CHN1: variants seen among roughly 807,000 people sequenced by gnomAD.
CHN1 encodes chimerin 1, also known as N-chimaerin.
In CHN1, 37 loss-of-function variants were observed where a neutral mutation model predicts 59.5. The ratio of observed to expected loss-of-function variants is 0.62; its 90% CI spans 0.48 to 0.82. The LOEUF (loss-of-function observed/expected upper bound fraction) is 0.82. Among genes scored for constraint, CHN1 ranks in the 40% least tolerant of loss-of-function variants. CHN1 has a pLI of 0.00. For missense variants in CHN1, 469 were observed against 571.0 expected (o/e 0.82, Z 1.82); for synonymous variants, 206 against 200.4 (o/e 1.03, Z -0.24).
intron 3 of CHN1, among the ~76,000 whole-genome samples, chr2:174,935,082 AC>A (rs1016409688): frequency 1.3e-5 from 2 of 151,928 alleles, no homozygotes; most frequent in African/African-American, 4.8e-5. Flanking sequence ...AGGACATAGA[AC>A]CCTTTATTAC....
chr2:174,896,341 T>G (rs1688217459), intron 5 of CHN1, among the ~76,000 whole-genome samples: 1 of 152,160 alleles, frequency 6.6e-6, no homozygotes, highest in South Asian at 2.1e-4. Context: ...CTCTTCTTAA[T>G]CAAGTTCCTA....
chr2:174,834,935 G>A (rs913838487), intron 7 of CHN1, among the ~76,000 whole-genome samples: 13 of 152,094 alleles, frequency 8.5e-5, no homozygotes, highest in Admixed American at 6.6e-4. Context: ...GAAACCAAAC[G>A]TATGTATAAT....
intron 7 of CHN1, among the ~76,000 whole-genome samples, chr2:174,841,954 C>T (rs1686318928): frequency 6.6e-6 from 1 of 152,150 alleles, no homozygotes; most frequent in South Asian, 2.1e-4. Flanking sequence ...TAGTCAATAT[C>T]AGATAACATG....
At chr2:174,973,520 G>C (rs1690825234) in intron 1 of CHN1, among the ~76,000 whole-genome samples, 1 of 152,230 alleles carries the variant, frequency 6.6e-6, no homozygotes, top group Admixed American at 6.5e-5. Context: ...AGCAAAACAA[G>C]AGAAGACAAA....
intron 6 of CHN1, among the ~76,000 whole-genome samples, chr2:174,849,569 T>A (rs1686657956): frequency 6.6e-6 from 1 of 152,216 alleles, no homozygotes; most frequent in Non-Finnish European, 1.5e-5. Flanking sequence ...AGAACCAATA[T>A]AATCAATAGT....
chr2:174,890,221 G>A (rs918943398), intron 5 of CHN1, among the ~76,000 whole-genome samples: 2 of 152,092 alleles, frequency 1.3e-5, no homozygotes, highest in African/African-American at 2.4e-5. Context: ...AGAGTGAAAG[G>A]GTGGACAAAG....
chr2:174,847,263 G>C lies in CHN1; in HGVS notation c.550-306C>G, dbSNP rs972733413. On this transcript the variant is annotated intron_variant, in intron 6 of 12. Transcript: ENST00000409900. ...CAGAGAGCTGCAGAGAAACACCACG[G>C]AGAGGTGGAGGAGGAGGATGAAGCA... 1.6e-5 allele frequency: 22 copies of C among 1,388,914 alleles called. No homozygotes were observed. The East Asian group carries it at 5.7e-4, about 36-fold the overall frequency. 86.0% of individuals were successfully genotyped at this position (1,388,914 alleles called of 1,614,324 possible). A position where few individuals can be genotyped will look rare whatever the true frequency, so the allele number is the denominator to read the frequency against.
At chr2:174,855,725 T>C (rs1435143534) in intron 6 of CHN1, among the ~76,000 whole-genome samples, 2 of 152,152 alleles carry the variant, frequency 1.3e-5, no homozygotes, top group Non-Finnish European at 2.9e-5. Flanking sequence ...ACCAGTAAGG[T>C]AGTTATTACA....
At chr2:174,931,135 A>C (rs961527911) in intron 3 of CHN1, among the ~76,000 whole-genome samples, 1 of 43,696 alleles carries the variant, frequency 2.3e-5, no homozygotes, top group African/African-American at 1.2e-4. Flanking sequence ...ATATATGGCA[A>C]AAAAAAAAAA....
intron 7 of CHN1, among the ~76,000 whole-genome samples, chr2:174,844,718 T>G (rs1686447975): frequency 6.6e-6 from 1 of 152,196 alleles, no homozygotes; most frequent in South Asian, 2.1e-4. Context: ...CAAGTATGAC[T>G]TTCCTCCTTT....
chr2:174,866,960 G>T (rs936519147), intron 6 of CHN1, among the ~76,000 whole-genome samples: 54 of 151,560 alleles, frequency 3.6e-4, no homozygotes, highest in African/African-American at 1.3e-3. Context: ...GCTTTTTAGC[G>T]CATTAAATAT....
At chr2:174,807,444 A>G (rs866012938) in intron 11 of CHN1, among the ~76,000 whole-genome samples, 16 of 90,284 alleles carry the variant, frequency 1.8e-4, no homozygotes, top group East Asian at 1.6e-3. Context: ...TTCACGGGCT[A>G]TCTGTGTGTG....
intron 1 of CHN1, among the ~76,000 whole-genome samples, chr2:174,954,222 G>A (rs1015593135): frequency 1.3e-5 from 2 of 152,232 alleles, no homozygotes; most frequent in East Asian, 3.9e-4. Context: ...AAATGGTGCT[G>A]GGAAAATTGG....
intron 5 of CHN1, among the ~76,000 whole-genome samples, chr2:174,910,619 A>C (rs931395671): frequency 6.6e-6 from 1 of 152,204 alleles, no homozygotes; most frequent in Non-Finnish European, 1.5e-5. Context: ...CAATCCCCCC[A>C]AAAATAAAAT....
chr2:174,832,391 C>T (rs1011307756), intron 7 of CHN1, among the ~76,000 whole-genome samples: 3 of 151,982 alleles, frequency 2.0e-5, no homozygotes, highest in Non-Finnish European at 4.4e-5. Context: ...AAGATGGAAG[C>T]TTAGCTCTTT....
intron 5 of CHN1, among the ~76,000 whole-genome samples, chr2:174,903,042 T>C (rs16862910): frequency 0.011 from 1,703 of 152,312 alleles, 31 homozygotes; most frequent in East Asian, 0.04. Context: ...ACTGTAAAGA[T>C]TGTATTACCC....
intron 1 of CHN1, among the ~76,000 whole-genome samples, chr2:174,998,933 C>T (rs1398615454): frequency 6.6e-6 from 1 of 152,094 alleles, no homozygotes; most frequent in African/African-American, 2.4e-5. Flanking sequence ...CATAAATTCC[C>T]ATACCATAAA....
chr2:174,804,405 A>G (rs1265515559), intron 11 of CHN1, among the ~76,000 whole-genome samples: 1 of 151,486 alleles, frequency 6.6e-6, no homozygotes, highest in African/African-American at 2.4e-5. Context: ...GTGTTTACTA[A>G]GAGAAATGGG....
intron 11 of CHN1, among the ~76,000 whole-genome samples, chr2:174,805,419 G>A (rs931559783): frequency 6.6e-6 from 1 of 152,256 alleles, no homozygotes; most frequent in Non-Finnish European, 1.5e-5. Context: ...TACCTATTAC[G>A]TAAGTAAGGG....
Sources: gnomAD v4.1 joint callset for allele counts (sites outside exome capture counted in the v4.1 genomes callset) on GRCh38, gnomAD v4.1.1 for gene constraint, MANE v1.5 for transcripts, NCBI Gene and HGNC (gene_info 2026-07-23, HGNC 2026-07-21) for gene names.